Variants in PHF21A observed in about 807,000 individuals in gnomAD.
PHF21A encodes the protein BHC80a.
PHF21A carries 11 observed loss-of-function variants against 82.5 expected under a neutral mutation model. The ratio of observed to expected loss-of-function variants is 0.13; its 90% confidence interval spans 0.08 to 0.22. The LOEUF is 0.22. PHF21A is among the 10% of genes least tolerant of loss of function. The pLI is 1.00. For synonymous variants in PHF21A, 297 were observed against 302.8 expected (o/e 0.98, Z 0.20); for missense variants, 579 against 837.8 (o/e 0.69, Z 3.81).
chr11:45,969,904 G>C lies in PHF21A; in HGVS notation c.613C>G (p.Gln205Glu). The C allele has an allele frequency of 6.2e-7, 1 of 1,605,414 alleles. No homozygotes were observed. The highest frequency in any genetic ancestry group is 1.1e-5 in the South Asian group (1 of 90,576). The change falls in exon 9 of 19, where the codon CAG (glutamine) becomes GAG (glutamate). Residue 205 changes from glutamine (Q) to glutamate (E), a missense_variant and splice_region_variant. Gln to Glu is a conservative substitution (Grantham distance 29). This residue lies in a region of PHF21A where 410 missense variants were observed against 642.1 expected (regional missense o/e 0.64). Coordinates refer to ENST00000676320, the MANE Select transcript of PHF21A (RefSeq NM_001352027.3). ...GGCTGAGGAGGTGTTGCCTGAACCT[G>C]CTAAAAAATGAGGAAGATAAATAAA... is the stretch of plus-strand genomic sequence containing the variant. Reference protein sequence around the residue: ...QIVAKNTVTLQVQATPPQPIK... With the variant: ...QIVAKNTVTLEVQATPPQPIK...
At chr11:46,055,663 G>C (rs920021817) in intron 6 of PHF21A, among the ~76,000 whole-genome samples, 1 of 152,088 alleles carries the variant, frequency 6.6e-6, no homozygotes, top group African/African-American at 2.4e-5. Context: ...ATCATCAAAG[G>C]AATGTCAGGC....
chr11:45,930,884 G>GT lies in PHF21A; in HGVS notation c.*3083dup, dbSNP rs2087595239. 6.7e-6 allele frequency: 1 copy of GT among 150,184 alleles called. No homozygotes were observed. The highest frequency in any genetic ancestry group is 2.1e-4 in the South Asian group (1 of 4,742). The allele number at this position is 150,184 out of a possible 1,614,324, so 9.3% of individuals were successfully genotyped here. A position where few individuals can be genotyped will look rare whatever the true frequency, so the allele number is the denominator to read the frequency against. On this transcript the variant is annotated 3_prime_UTR_variant, in exon 19 of 19. Coordinates refer to ENST00000676320, the MANE Select transcript of PHF21A (RefSeq NM_001352027.3). The stretch of plus-strand genomic sequence containing the variant: ...GCTGGGGTGGGGCAGTGTCACGAGC[G>GT]TATGTCTCAGGTGGTCACAGGCCCC...
At chr11:46,103,814 A>G (rs1053024619) in intron 1 of PHF21A, among the ~76,000 whole-genome samples, 1 of 152,216 alleles carries the variant, frequency 6.6e-6, no homozygotes, top group Non-Finnish European at 1.5e-5. Flanking sequence ...GAATGAACAA[A>G]GTTAATTATA....
chr11:45,968,027 T>A (rs1003887337), intron 9 of PHF21A, among the ~76,000 whole-genome samples: 6 of 152,196 alleles, frequency 3.9e-5, no homozygotes, highest in Non-Finnish European at 7.3e-5. Flanking sequence ...GACTAAACCT[T>A]AGATTCCTTA....
intron 6 of PHF21A, among the ~76,000 whole-genome samples, chr11:45,983,718 G>A (rs536137792): frequency 1.4e-4 from 22 of 152,216 alleles, no homozygotes; most frequent in Admixed American, 1.2e-3. Context: ...ATCCAGTCTC[G>A]TTCTAGTTCA....
intron 6 of PHF21A, among the ~76,000 whole-genome samples, chr11:46,060,038 C>G (rs2096514786): frequency 6.6e-6 from 1 of 152,130 alleles, no homozygotes. Flanking sequence ...CCACTGCACC[C>G]AGCCCATTTT....
At chr11:46,087,935 T>A (rs1316330002) in intron 3 of PHF21A, among the ~76,000 whole-genome samples, 1 of 152,084 alleles carries the variant, frequency 6.6e-6, no homozygotes, top group Non-Finnish European at 1.5e-5. Context: ...TTTGTATTTT[T>A]TTGTAGTGAC....
intron 10 of PHF21A, among the ~76,000 whole-genome samples, chr11:45,956,991 T>C (rs1189354771): frequency 6.6e-6 from 1 of 152,138 alleles, no homozygotes; most frequent in African/African-American, 2.4e-5. Context: ...ATAGTACTAT[T>C]AGACAAAAGT....
intron 6 of PHF21A, among the ~76,000 whole-genome samples, chr11:46,020,549 T>C (rs1278977087): frequency 6.6e-6 from 1 of 152,198 alleles, no homozygotes; most frequent in African/African-American, 2.4e-5. Context: ...CTGCTTCCCT[T>C]GCGTCTAACA....
At chr11:46,004,708 G>A (rs922492212) in intron 6 of PHF21A, among the ~76,000 whole-genome samples, 11 of 152,098 alleles carry the variant, frequency 7.2e-5, no homozygotes, top group African/African-American at 2.4e-4. Context: ...CTGTGGATGA[G>A]GGCTGTATCT....
At chr11:46,112,464 C>A (rs952048370) in intron 1 of PHF21A, among the ~76,000 whole-genome samples, 1 of 152,066 alleles carries the variant, frequency 6.6e-6, no homozygotes, top group Non-Finnish European at 1.5e-5. Flanking sequence ...CCTGTAACAA[C>A]CCTCTGATAT....
chr11:45,977,422 C>A (rs745743497), intron 7 of PHF21A, among the ~76,000 whole-genome samples: 72 of 152,288 alleles, frequency 4.7e-4, no homozygotes, highest in South Asian at 6.2e-4. Flanking sequence ...CAGGCGTGTG[C>A]CACTGTGCCT....
chr11:46,119,508 A>C (rs1193662031), intron 1 of PHF21A, among the ~76,000 whole-genome samples: 1 of 152,198 alleles, frequency 6.6e-6, no homozygotes, highest in Non-Finnish European at 1.5e-5. Context: ...CAGATTCACC[A>C]ATGAAAACAA....
intron 1 of PHF21A, among the ~76,000 whole-genome samples, chr11:46,102,980 G>A (rs12801848): frequency 0.21 from 32,314 of 152,038 alleles, 3,843 homozygotes; most frequent in Non-Finnish European, 0.27. Flanking sequence ...CCATCAAGAG[G>A]GTAAGCAGAG....
At chr11:46,077,087 G>A (rs1483978287) in intron 5 of PHF21A, among the ~76,000 whole-genome samples, 1 of 152,196 alleles carries the variant, frequency 6.6e-6, no homozygotes, top group Admixed American at 6.5e-5. Context: ...TGTACGGTAA[G>A]AGTACCTGTC....
chr11:45,979,356 A>G (rs1462352652), intron 7 of PHF21A, among the ~76,000 whole-genome samples: 1 of 152,158 alleles, frequency 6.6e-6, no homozygotes, highest in Non-Finnish European at 1.5e-5. Flanking sequence ...ATCTGGTCCC[A>G]AGAGCACTGA....
intron 6 of PHF21A, among the ~76,000 whole-genome samples, chr11:45,992,761 A>C (rs1309294035): frequency 6.6e-6 from 1 of 152,228 alleles, no homozygotes; most frequent in Non-Finnish European, 1.5e-5. Context: ...GAAACACACA[A>C]CTATATACAA....
At chr11:46,024,621 G>A (rs926773032) in intron 6 of PHF21A, among the ~76,000 whole-genome samples, 1 of 152,038 alleles carries the variant, frequency 6.6e-6, no homozygotes, top group African/African-American at 2.4e-5. Context: ...CCACAATGGT[G>A]AAACCCCATC....
chr11:45,930,908 C>CT lies in PHF21A; in HGVS notation c.*3059_*3060insA, dbSNP rs915753144. 6.7e-6 allele frequency: 1 copy of CT among 150,322 alleles called. No individual in the cohort carries two copies. Among genetic ancestry groups the CT allele is most frequent in the Non-Finnish European group, 1.5e-5 (1 of 67,394 alleles). The allele number at this position is 150,322 out of a possible 1,614,324, so 9.3% of individuals were successfully genotyped here. On this transcript the variant is annotated 3_prime_UTR_variant, in exon 19 of 19. Transcript: ENST00000676320. ...CGTATGTCTCAGGTGGTCACAGGCC[C>CT]CCCCCCCTCCCCGCCCAGGTCTGAG...
Sources: allele counts gnomAD v4.1 joint callset (sites outside exome capture counted in the v4.1 genomes callset), GRCh38; gene constraint gnomAD v4.1.1; regional missense constraint gnomAD v4.1.1; transcripts MANE v1.5; gene names NCBI Gene and HGNC (gene_info 2026-07-23, HGNC 2026-07-21).